Variants in KIF14 observed in about 807,000 individuals in gnomAD.
KIF14 encodes kinesin family member 14, also known as kinesin-like protein KIF14.
A neutral mutation model predicts 176.2 loss-of-function variants in KIF14; 98 were observed. The ratio of observed to expected loss-of-function variants is 0.56; its 90% CI spans 0.47 to 0.66. The LOEUF (loss-of-function observed/expected upper bound fraction) is 0.66, where lower values mean the gene tolerates loss of function less well. Among genes scored for constraint, KIF14 ranks in the 30% least tolerant of loss-of-function variants. The pLI is 0.00. For synonymous variants in KIF14, 566 were observed against 632.2 expected, an observed-to-expected ratio of 0.90 and a Z score of 1.57; for missense variants, 1,751 against 1,920.4, an observed-to-expected ratio of 0.91 and a Z score of 1.65.
chr1:200,618,121 A>G lies in KIF14; in HGVS notation c.603T>C (p.Ser201=), dbSNP rs759792676. 1.7e-5 allele frequency: 27 copies of G among 1,614,036 alleles called. No individual in the cohort carries two copies. The highest frequency in any genetic ancestry group is 1.6e-4 in the Middle Eastern group (1 of 6,084). The change falls in exon 2 of 30, where the codon TCT becomes TCC. Residue 201 remains serine, a synonymous_variant. Transcript: ENST00000367350. ...CATTTTCATTTGCTCTACTGGGGGC[A>G]GAAAATGTTTCTTTGTATTTCTTAT... is the stretch of plus-strand genomic sequence containing the variant. ...MADKKYKETF[S]APSRANENVA... is the part of the protein sequence containing the mutation.
chr1:200,614,275 T>C, intron 4 of KIF14, 43 bp downstream of exon 4: 3 of 1,089,806 alleles, frequency 2.8e-6, no homozygotes, highest in Non-Finnish European at 4.2e-6. Flanking sequence ...ATTTGACTAT[T>C]TTCTACTCTG....
intron 5 of KIF14, among the ~76,000 whole-genome samples, chr1:200,607,463 CATTTGA>C (rs1473233796): frequency 6.6e-6 from 1 of 152,134 alleles, no homozygotes; most frequent in East Asian, 1.9e-4. Flanking sequence ...TTCAGTAAGA[CATTTGA>C]ATGTTAAATC....
intron 19 of KIF14, among the ~76,000 whole-genome samples, chr1:200,585,517 C>G (rs1658688987): frequency 6.6e-6 from 1 of 152,084 alleles, no homozygotes; most frequent in African/African-American, 2.4e-5. Context: ...TAAAAACATG[C>G]TGCACATTGA....
At chr1:200,581,133 A>AAT in intron 20 of KIF14, 68 bp downstream of exon 20, 1 of 774,804 alleles carries the variant, frequency 1.3e-6, no homozygotes, top group Non-Finnish European at 2.0e-6. Context: ...AAAAAAAAAA[A>AAT]GAGAAACTAA....
chr1:200,569,439 G>T (rs779261083), intron 23 of KIF14, among the ~76,000 whole-genome samples: 2 of 151,822 alleles, frequency 1.3e-5, no homozygotes, highest in African/African-American at 2.4e-5. Flanking sequence ...GAAACCAAAG[G>T]GGATGCAGTG....
intron 18 of KIF14, among the ~76,000 whole-genome samples, chr1:200,587,124 C>T (rs1487194467): frequency 6.6e-6 from 1 of 152,030 alleles, no homozygotes; most frequent in Non-Finnish European, 1.5e-5. Context: ...ATTAGATTCT[C>T]ATAAGGAGCG....
In KIF14 at chr1:200,552,201, T is replaced by C. The variant is rs1455318314; in HGVS notation, c.*1187A>G. ...TTTAAATGAATTATTCTTTAGGAAC[T>C]GCTCAATATCACCCAAGCATAGTTA... On this transcript the variant is annotated 3_prime_UTR_variant, in exon 30 of 30. Coordinates refer to ENST00000367350, the MANE Select transcript of KIF14 (RefSeq NM_014875.3). 6.6e-6 allele frequency: 1 copy of C among 152,156 alleles called. No individual in the cohort carries two copies. Among genetic ancestry groups the C allele is most frequent in the Non-Finnish European group, 1.5e-5 (1 of 68,032 alleles). 9.4% of individuals were successfully genotyped at this position (152,156 alleles called of 1,614,324 possible).
At chr1:200,610,296 C>T (rs1211418468) in intron 4 of KIF14, among the ~76,000 whole-genome samples, 2 of 151,978 alleles carry the variant, frequency 1.3e-5, no homozygotes, top group South Asian at 2.1e-4. Context: ...GTCAGGGGAT[C>T]GAGACCATCC....
At chr1:200,598,158 A>G (rs1659453257) in intron 14 of KIF14, 79 bp downstream of exon 14, 2 of 1,229,522 alleles carry the variant, frequency 1.6e-6, no homozygotes, top group East Asian at 2.3e-5. Flanking sequence ...GTATCAACGA[A>G]TATGCCATAT....
intron 5 of KIF14, 131 bp downstream of exon 5, chr1:200,608,699 T>G (rs780228438): frequency 4.5e-5 from 28 of 620,020 alleles, no homozygotes; most frequent in Middle Eastern, 8.9e-4. Flanking sequence ...CTAATTGGAC[T>G]GTAGATCCAA....
chr1:200,607,991 G>A (rs1050378486), intron 5 of KIF14, among the ~76,000 whole-genome samples: 1 of 152,118 alleles, frequency 6.6e-6, no homozygotes, highest in Non-Finnish European at 1.5e-5. Context: ...GAGCCAACAC[G>A]CCCAGCCGTC....
intron 21 of KIF14, among the ~76,000 whole-genome samples, chr1:200,577,525 A>T (rs1462416217): frequency 6.6e-6 from 1 of 151,724 alleles, no homozygotes; most frequent in Non-Finnish European, 1.5e-5. Flanking sequence ...GGCCAGGCAC[A>T]GTGGCTCACG....
chr1:200,581,761 C>CTTTTTTT (rs66935478), intron 19 of KIF14, among the ~76,000 whole-genome samples: 23 of 83,048 alleles, frequency 2.8e-4, no homozygotes, highest in Admixed American at 4.6e-4. Context: ...TTTCACTTTC[C>CTTTTTTT]TTTTTTTTTT....
intron 5 of KIF14, 48 bp downstream of exon 5, chr1:200,608,782 T>G: frequency 8.6e-7 from 1 of 1,167,770 alleles, no homozygotes; most frequent in Non-Finnish European, 1.3e-6. Context: ...TTAGATACAT[T>G]TATAAGAACA....
At chr1:200,602,160 A>AT in intron 10 of KIF14, 92 bp from the exon 11 acceptor site, 7 of 988,138 alleles carry the variant, frequency 7.1e-6, no homozygotes, top group Non-Finnish European at 1.0e-5. Flanking sequence ...TAGGGTATAT[A>AT]ATACAGTATT....
Position 200,553,062 on chromosome 1 carries a change from GC to G in KIF14, c.*325del. 1 of 159,170 alleles carries G rather than the reference GC, an allele frequency of 6.3e-6. No homozygotes were observed. Among genetic ancestry groups the G allele is most frequent in the Non-Finnish European group, 1.4e-5 (1 of 72,972 alleles). 9.9% of individuals were successfully genotyped at this position (159,170 alleles called of 1,614,324 possible). Reference sequence around the variant, plus strand: ...AGGTTCAAGCGATCCTCCTGCCTCAGCCCCCCTAGTAGCTGGGATTACAGGC... The same window carrying G: ...AGGTTCAAGCGATCCTCCTGCCTCAGCCCCCTAGTAGCTGGGATTACAGGC... On this transcript the variant is annotated 3_prime_UTR_variant, in exon 30 of 30. Coordinates refer to ENST00000367350, the MANE Select transcript of KIF14 (RefSeq NM_014875.3).
chr1:200,617,529 C>T (rs1290936116), intron 2 of KIF14, 83 bp downstream of exon 2: 6 of 1,360,572 alleles, frequency 4.4e-6, no homozygotes, highest in Non-Finnish European at 5.0e-6. Context: ...TGCACGAATA[C>T]ACTGACCTTC....
chr1:200,588,246 T>C (rs1658859225), intron 18 of KIF14, among the ~76,000 whole-genome samples: 1 of 122,942 alleles, frequency 8.1e-6, no homozygotes, highest in African/African-American at 4.1e-5. Context: ...TTTGTTTGTT[T>C]TGTTTTTTTT....
In KIF14 at chr1:200,617,882, C is replaced by T; in HGVS notation, c.842G>A (p.Cys281Tyr). The stretch of plus-strand genomic sequence containing the variant: ...TGTTGTCAGTTTGTGTTCTGTTGTA[C>T]ATTTTGTAGGTGTTCTTTTTTCTAA... ...GSLEKRTPTK[C>Y]TTEHKLTTKC... The change falls in exon 2 of 30, where the codon TGT becomes TAT. Residue 281 changes from cysteine (C) to tyrosine (Y), a missense_variant. Physicochemically the swap from Cys to Tyr is radical, Grantham distance 194 (BLOSUM62 -2). Transcript: ENST00000367350. 1 of 1,614,110 alleles carries T rather than the reference C, an allele frequency of 6.2e-7. No individual in the cohort carries two copies. Among genetic ancestry groups the T allele is most frequent in the Non-Finnish European group, 8.5e-7 (1 of 1,180,002 alleles).
Sources: allele counts gnomAD v4.1 joint callset (sites outside exome capture counted in the v4.1 genomes callset), GRCh38; gene constraint gnomAD v4.1.1; transcripts MANE v1.5; gene names NCBI Gene and HGNC (gene_info 2026-07-23, HGNC 2026-07-21).